The following COL9A1 variants were observed in gnomAD, a reference collection of about 807,000 sequenced individuals.
The protein encoded by COL9A1 is collagen alpha-1(IX) chain.
Under a neutral mutation model 142.6 loss-of-function variants are expected in COL9A1, and 104 were observed. The ratio of observed to expected loss-of-function variants is 0.73; its 90% confidence interval spans 0.62 to 0.86. The LOEUF (loss-of-function observed/expected upper bound fraction) is 0.86. Ranked by LOEUF, COL9A1 falls within the 40% of genes least tolerant of loss-of-function variation. The probability of loss-of-function intolerance (pLI) is 0.00; values close to 1 mark genes in which losing one functional copy is unlikely to be tolerated. For synonymous variants in COL9A1, 466 were observed against 396.0 expected (o/e 1.18, Z -2.10); for missense variants, 1,210 against 1,176.6 (o/e 1.03, Z -0.42).
At chr6:70,216,111 A>G (rs1201297082), downstream of COL9A1, 1 of 152,672 alleles carries the variant, frequency 6.5e-6, no homozygotes, top group Non-Finnish European at 1.5e-5. Flanking sequence ...TATTTATAAG[A>G]AAACATGCAA....
chr6:70,255,444 T>G (rs1355505296), intron 21 of COL9A1, 54 bp from the exon 22 acceptor site: 1 of 1,495,562 alleles, frequency 6.7e-7, no homozygotes, highest in African/African-American at 1.4e-5. Context: ...ATTAATCAAC[T>G]TTTAAAAATT....
chr6:70,252,401 C>T (rs1771001251), intron 26 of COL9A1, 86 bp from the exon 27 acceptor site: 1 of 1,168,152 alleles, frequency 8.6e-7, no homozygotes, highest in Non-Finnish European at 1.3e-6. Context: ...GGATCTCTTA[C>T]ATTTGAATAG....
chr6:70,280,893 G>T lies in COL9A1; in HGVS notation c.913-19C>A, dbSNP rs776340219. 1.1e-5 allele frequency: 17 copies of T among 1,613,120 alleles called. No homozygotes were observed. The highest frequency in any genetic ancestry group is 1.4e-5 in the Non-Finnish European group (17 of 1,179,900). On this transcript the variant is annotated intron_variant, in intron 9 of 37. Transcript: ENST00000357250. ...CAGGACCCTGAGCAGGGGCAGAAGG[G>T]TGCGGGGGCAGGAGAGAAAAAGGTG... is the stretch of plus-strand genomic sequence containing the variant.
intron 5 of COL9A1, among the ~76,000 whole-genome samples, chr6:70,288,040 T>A (rs1020328135): frequency 1.3e-5 from 2 of 152,176 alleles, no homozygotes; most frequent in Non-Finnish European, 2.9e-5. Context: ...GATGGACCTA[T>A]CTGTTGAACT....
At chr6:70,217,148 A>G (rs1768571588) in intron 37 of COL9A1, 67 bp from the exon 38 acceptor site, 4 of 1,535,964 alleles carry the variant, frequency 2.6e-6, no homozygotes, top group Non-Finnish European at 2.7e-6. Flanking sequence ...GGCAGAGGGC[A>G]TGGCTCAGCA....
chr6:70,242,182 T>G, intron 29 of COL9A1, 147 bp from the exon 30 acceptor site: 1 of 733,092 alleles, frequency 1.4e-6, no homozygotes, highest in Non-Finnish European at 2.4e-6. Context: ...TTGCCTCTCT[T>G]TCATATTCTC....
chr6:70,300,219 G>C, intron 3 of COL9A1, 44 bp from the exon 4 acceptor site: 1 of 1,611,584 alleles, frequency 6.2e-7, no homozygotes. Flanking sequence ...AATGAGATTG[G>C]TTTTATTTCT....
At chr6:70,229,910 G>A (rs957920896) in intron 36 of COL9A1, among the ~76,000 whole-genome samples, 4 of 152,140 alleles carry the variant, frequency 2.6e-5, no homozygotes, top group African/African-American at 9.7e-5. Flanking sequence ...GTTCTTCAGA[G>A]TATTTTCTAG....
At chr6:70,302,869 A>G in intron 1 of COL9A1, 42 bp downstream of exon 1, 2 of 1,609,884 alleles carry the variant, frequency 1.2e-6, no homozygotes, top group Non-Finnish European at 1.7e-6. Context: ...GAGGACCCCC[A>G]GCTCCATCTC....
intron 4 of COL9A1, 65 bp from the exon 5 acceptor site, chr6:70,294,628 T>C: frequency 6.5e-7 from 1 of 1,529,166 alleles, no homozygotes; most frequent in Non-Finnish European, 9.0e-7. Context: ...ATTTACCACA[T>C]TCCCTTTTGA....
chr6:70,267,224 TC>T (rs1554241848), intron 17 of COL9A1, among the ~76,000 whole-genome samples: 1 of 152,074 alleles, frequency 6.6e-6, no homozygotes, highest in Non-Finnish European at 1.5e-5. Flanking sequence ...CCCACCTCCT[TC>T]CTGATGGTGG....
intron 14 of COL9A1, among the ~76,000 whole-genome samples, chr6:70,270,725 T>C (rs1172274934): frequency 2.0e-5 from 3 of 152,218 alleles, no homozygotes; most frequent in African/African-American, 4.8e-5. Context: ...ATACTGCTAG[T>C]GCCATTCTGC....
chr6:70,228,048 A>G (rs1769342638), intron 36 of COL9A1, among the ~76,000 whole-genome samples: 1 of 152,128 alleles, frequency 6.6e-6, no homozygotes, highest in African/African-American at 2.4e-5. Flanking sequence ...ATAGGAGAGA[A>G]ACTTCACTAA....
intron 4 of COL9A1, among the ~76,000 whole-genome samples, chr6:70,297,483 T>C (rs1285126250): frequency 6.6e-6 from 1 of 152,144 alleles, no homozygotes; most frequent in Non-Finnish European, 1.5e-5. Flanking sequence ...TGTATATACC[T>C]AAGACCACTT....
Position 70,256,798 on chromosome 6 carries a change from T to A in COL9A1, c.1473A>T (p.Glu491Asp). 1.9e-6 allele frequency: 3 copies of A among 1,612,850 alleles called. 1 individual carries two copies. The South Asian group carries it at 3.3e-5, about 18-fold the overall frequency. The change falls in exon 21 of 38, where the codon GAA becomes GAT. Residue 491 changes from glutamate (E) to aspartate (D), a missense_variant. Physicochemically the swap from Glu to Asp is conservative, Grantham distance 45. Transcript: ENST00000357250. ...CACCAGGAAGACCCTGAGGCCCAGG[T>A]TCACCATCTAAGCCCCGAGCACCCT... ...GEKGARGLDGEPGPQGLPGAP... is the reference protein window; with the variant it reads ...GEKGARGLDGDPGPQGLPGAP...
intron 4 of COL9A1, among the ~76,000 whole-genome samples, chr6:70,296,998 A>T (rs1333398199): frequency 6.6e-6 from 1 of 152,102 alleles, no homozygotes; most frequent in African/African-American, 2.4e-5. Context: ...TTCCTTTAAA[A>T]AGTCTATTTT....
chr6:70,275,698 G>A (rs1011516265), intron 10 of COL9A1, among the ~76,000 whole-genome samples: 1 of 151,794 alleles, frequency 6.6e-6, no homozygotes, highest in Non-Finnish European at 1.5e-5. Flanking sequence ...ACTTTCAGAT[G>A]CTGTCATTTA....
intron 25 of COL9A1, among the ~76,000 whole-genome samples, chr6:70,254,060 G>A (rs548903905): frequency 1.3e-5 from 2 of 152,252 alleles, no homozygotes; most frequent in East Asian, 3.9e-4. Context: ...ACACCAATTT[G>A]AATGATTAAA....
intron 12 of COL9A1, among the ~76,000 whole-genome samples, chr6:70,273,325 A>G (rs937309642): frequency 2.6e-5 from 4 of 152,226 alleles, no homozygotes; most frequent in South Asian, 2.1e-4. Context: ...AGGCATCTCT[A>G]TAAATTGTTG....
Sources: gnomAD v4.1 joint callset for allele counts (sites outside exome capture counted in the v4.1 genomes callset) on GRCh38, gnomAD v4.1.1 for gene constraint, MANE v1.5 for transcripts, NCBI Gene and HGNC (gene_info 2026-07-23, HGNC 2026-07-21) for gene names.